The following DDR2 variants were observed in gnomAD, a reference collection of about 807,000 sequenced individuals.
DDR2 encodes discoidin domain-containing receptor 2.
In DDR2, 27 loss-of-function variants were observed where a neutral mutation model predicts 94.9. The ratio of observed to expected loss-of-function variants is 0.28; its 90% CI spans 0.21 to 0.39. The LOEUF is 0.39. Ranked by LOEUF, DDR2 falls within the 10% of genes least tolerant of loss-of-function variation. The pLI, the probability that DDR2 is intolerant of heterozygous loss-of-function variation, is 1.00. For missense variants in DDR2, 783 were observed against 1,076.0 expected (o/e 0.73, Z 3.81); for synonymous variants, 382 against 377.2 (o/e 1.01, Z -0.15).
intron 2 of DDR2, among the ~76,000 whole-genome samples, chr1:162,671,188 G>A (rs989163654): frequency 6.6e-6 from 1 of 152,084 alleles, no homozygotes; most frequent in African/African-American, 2.4e-5. Flanking sequence ...GAGAGGAGAA[G>A]GTCGTGGGGC....
chr1:162,705,645 C>T (rs1384037043), intron 2 of DDR2, among the ~76,000 whole-genome samples: 2 of 152,130 alleles, frequency 1.3e-5, no homozygotes, highest in African/African-American at 4.8e-5. Flanking sequence ...TTCATTCCAG[C>T]CTCGTTGTTG....
chr1:162,684,818 CA>C (rs1659598029), intron 2 of DDR2, among the ~76,000 whole-genome samples: 1 of 93,876 alleles, frequency 1.1e-5, no homozygotes. Context: ...CACCAACACA[CA>C]CACACACACA....
intron 12 of DDR2, 73 bp from the exon 13 acceptor site, chr1:162,771,951 C>G (rs946123942): frequency 1.4e-5 from 21 of 1,498,730 alleles, no homozygotes; most frequent in Middle Eastern, 2.3e-4. Context: ...TAGCCCTCCT[C>G]TCAGAGTTCC....
rs1299219000 is a variant in DDR2 at position 162,730,083 on chromosome 1, G to A, written c.82+10938G>A. On this transcript the variant is annotated intron_variant, in intron 3 of 17. Coordinates refer to ENST00000367921, the MANE Select transcript of DDR2 (RefSeq NM_006182.4). ...CAAAAAAAAAAAAAAAAATCTAAATGATGCCATGTGAGACTTGATCTCAGA... is the reference window on the plus strand; with the variant it reads ...CAAAAAAAAAAAAAAAAATCTAAATAATGCCATGTGAGACTTGATCTCAGA... 3.0e-5 allele frequency among the ~76,000 whole-genome samples: 4 copies of A among 132,698 alleles called. No individual in the cohort carries two copies. The East Asian group carries it at 9.6e-4, about 32-fold the overall frequency. 87.1% of individuals were successfully genotyped at this position (132,698 alleles called of 152,430 possible).
chr1:162,718,998 C>T, intron 2 of DDR2, 39 bp from the exon 3 acceptor site: 1 of 1,597,580 alleles, frequency 6.3e-7, no homozygotes. Context: ...ATTTCCTCTC[C>T]TTCTCTTTCT....
chr1:162,635,351 A>G (rs984619558), intron 1 of DDR2, among the ~76,000 whole-genome samples: 4 of 152,264 alleles, frequency 2.6e-5, no homozygotes, highest in African/African-American at 7.2e-5. Flanking sequence ...TTCAATTCGC[A>G]TGAGCTCTCA....
At chr1:162,764,997 A>G (rs945698379) in intron 9 of DDR2, among the ~76,000 whole-genome samples, 13 of 152,198 alleles carry the variant, frequency 8.5e-5, no homozygotes, top group African/African-American at 2.2e-4. Flanking sequence ...CTTCTGTGCT[A>G]ATGATTTAAT....
chr1:162,778,036 A>C (rs1303850205), intron 16 of DDR2: 1 of 158,962 alleles, frequency 6.3e-6, no homozygotes, highest in Non-Finnish European at 1.4e-5. Context: ...ATATTTAATA[A>C]TAAATAATAT....
intron 1 of DDR2, among the ~76,000 whole-genome samples, chr1:162,633,141 C>G (rs1267378003): frequency 6.6e-6 from 1 of 152,002 alleles, no homozygotes; most frequent in African/African-American, 2.4e-5. Context: ...GGTGGCTTCC[C>G]CCTGAGATTT....
intron 1 of DDR2, among the ~76,000 whole-genome samples, chr1:162,634,501 TGTGG>T (rs1656720566): frequency 6.6e-6 from 1 of 152,168 alleles, no homozygotes; most frequent in South Asian, 2.1e-4. Flanking sequence ...AGGCAGCCCC[TGTGG>T]TGCTGGGTCT....
At chr1:162,750,018 C>A (rs1663100693) in intron 3 of DDR2, among the ~76,000 whole-genome samples, 2 of 151,878 alleles carry the variant, frequency 1.3e-5, no homozygotes. Context: ...CTATTTATGA[C>A]AAACGCACAG....
At chr1:162,683,621 ATATAT>A (rs906179356) in intron 2 of DDR2, among the ~76,000 whole-genome samples, 8 of 152,248 alleles carry the variant, frequency 5.3e-5, no homozygotes, top group South Asian at 2.1e-4. Context: ...GTACATTTAA[ATATAT>A]TATATTTGTA....
At chr1:162,744,001 A>T (rs935216836) in intron 3 of DDR2, among the ~76,000 whole-genome samples, 1 of 152,220 alleles carries the variant, frequency 6.6e-6, no homozygotes, top group Non-Finnish European at 1.5e-5. Flanking sequence ...TTTATTAAGC[A>T]TAATTGTTTT....
rs577349386 is a variant in DDR2, at chr1:162,727,060, T to C, written c.82+7915T>C. Reference sequence around the variant, plus strand: ...AAAATTATAAATATTATAATAAATATATTATAAATATTATAATATTTAATA... The same window carrying C: ...AAAATTATAAATATTATAATAAATACATTATAAATATTATAATATTTAATA... On this transcript the variant is annotated intron_variant, in intron 3 of 17. Coordinates refer to ENST00000367921, the MANE Select transcript of DDR2 (RefSeq NM_006182.4). Among the ~76,000 whole-genome samples the C allele has an allele frequency of 5.7e-4, 83 of 145,710 alleles. 1 individual carries two copies. The highest frequency in any genetic ancestry group is 1.9e-3 in the African/African-American group (76 of 40,226).
chr1:162,731,815 G>A (rs1244612867), intron 3 of DDR2, among the ~76,000 whole-genome samples: 1 of 152,192 alleles, frequency 6.6e-6, no homozygotes, highest in African/African-American at 2.4e-5. Flanking sequence ...AGTTCATAGA[G>A]GTTTGGTAAC....
At position 162,754,541 on chromosome 1, in the gene DDR2, A is replaced by C. The variant is rs1432116130; in HGVS notation, c.186-83A>C. On this transcript the variant is annotated intron_variant, in intron 4 of 17. Coordinates refer to ENST00000367921, the MANE Select transcript of DDR2 (RefSeq NM_006182.4). Reference sequence around the variant, plus strand: ...ACAGCCTGCTCTCTCCCCTCAGTACAGGGCAGCTGCTTGCCTGTGAACCAG... The same window carrying C: ...ACAGCCTGCTCTCTCCCCTCAGTACCGGGCAGCTGCTTGCCTGTGAACCAG... The C allele has an allele frequency of 2.2e-6, 3 of 1,390,348 alleles. No homozygotes were observed. In the East Asian group the frequency reaches 6.9e-5, roughly 32 times the overall value. 86.1% of individuals were successfully genotyped at this position (1,390,348 alleles called of 1,614,324 possible).
At chr1:162,644,221 T>C (rs1657295844) in intron 1 of DDR2, among the ~76,000 whole-genome samples, 1 of 152,212 alleles carries the variant, frequency 6.6e-6, no homozygotes, top group African/African-American at 2.4e-5. Flanking sequence ...TTTTTAAAAA[T>C]AATGAAGTAC....
chr1:162,768,760 A>G (rs1664121748), intron 11 of DDR2, among the ~76,000 whole-genome samples: 1 of 152,240 alleles, frequency 6.6e-6, no homozygotes, highest in Non-Finnish European at 1.5e-5. Context: ...TGCTTCCCAC[A>G]AGTATGTCTA....
chr1:162,778,642 C>T lies in DDR2; in HGVS notation c.2346C>T (p.Thr782=), dbSNP rs1647720789. 1 of 1,613,928 alleles carries T rather than the reference C, an allele frequency of 6.2e-7. No individual in the cohort carries two copies. The highest frequency in any genetic ancestry group is 1.3e-5 in the African/African-American group (1 of 74,960). ...GGGTTACTTTGTGGGAGACTTTCACCTTTTGTCAAGAACAGCCCTATTCCC... is the reference window on the plus strand; with the variant it reads ...GGGTTACTTTGTGGGAGACTTTCACTTTTTGTCAAGAACAGCCCTATTCCC... ...AFGVTLWETF[T]FCQEQPYSQL... Residue 782 remains threonine, a synonymous_variant, in exon 17 of 18, where the codon ACC becomes ACT. Transcript: ENST00000367921.
Sources: allele counts gnomAD v4.1 joint callset (sites outside exome capture counted in the v4.1 genomes callset), GRCh38; gene constraint gnomAD v4.1.1; transcripts MANE v1.5; gene names NCBI Gene and HGNC (gene_info 2026-07-23, HGNC 2026-07-21).